SCIN: variants seen among roughly 807,000 people sequenced by gnomAD.
SCIN encodes scinderin.
SCIN carries 91 observed loss-of-function variants against 91.8 expected under a neutral mutation model. That is an observed-to-expected ratio of 0.99 (90% CI 0.84 to 1.18). The LOEUF (loss-of-function observed/expected upper bound fraction) is 1.18, where lower values mean the gene tolerates loss of function less well. Among genes scored for constraint, SCIN ranks in the 50% most tolerant of loss-of-function variants. The pLI is 0.00. For synonymous variants in SCIN, 367 were observed against 312.6 expected, an observed-to-expected ratio of 1.17 and a Z score of -1.84; for missense variants, 1,087 against 863.9, an observed-to-expected ratio of 1.26 and a Z score of -3.24.
chr7:12,623,506 C>T (rs2115271722), intron 5 of SCIN, among the ~76,000 whole-genome samples: 2 of 152,276 alleles, frequency 1.3e-5, no homozygotes, highest in South Asian at 4.1e-4. Flanking sequence ...TTCCTTCCAA[C>T]TCTATAGTTT....
Position 12,581,271 on chromosome 7 carries a change from C to G in SCIN, c.516+50C>G. 2.6e-6 allele frequency: 4 copies of G among 1,510,034 alleles called. No individual in the cohort carries two copies. The South Asian group carries it at 4.9e-5, about 18-fold the overall frequency. The allele number at this position is 1,510,034 out of a possible 1,614,324, so 93.5% of individuals were successfully genotyped here. On this transcript the variant is annotated intron_variant, in intron 3 of 15. Transcript: ENST00000297029. ...TGTCTAAAGAAAAGTGAATTGCTTT[C>G]GGATCAAATCATATGTACATGTCAT...
rs1392932810 is a variant in SCIN, at chr7:12,574,195, CT to C, written c.199+3211del. On this transcript the variant is annotated intron_variant, in intron 1 of 15. Coordinates refer to ENST00000297029, the MANE Select transcript of SCIN (RefSeq NM_001112706.3). Reference sequence around the variant, plus strand: ...TAAACAAGTTGTACATCTGTACCAACTAATACTACTCAGCAATAAAAAGGAA... The same window carrying C: ...TAAACAAGTTGTACATCTGTACCAACAATACTACTCAGCAATAAAAAGGAA... Among the ~76,000 whole-genome samples the C allele has an allele frequency of 2.5e-4, 38 of 152,230 alleles. No homozygotes were observed. The South Asian group carries it at 5.6e-3, about 22-fold the overall frequency.
chr7:12,618,474 C>T (rs1783341306), intron 4 of SCIN, among the ~76,000 whole-genome samples: 2 of 152,044 alleles, frequency 1.3e-5, no homozygotes, highest in Admixed American at 6.6e-5. Flanking sequence ...ATGAAATCAC[C>T]CTCTATTTTA....
At chr7:12,607,878 G>A (rs1783110687) in intron 4 of SCIN, among the ~76,000 whole-genome samples, 1 of 152,134 alleles carries the variant, frequency 6.6e-6, no homozygotes, top group Admixed American at 6.5e-5. Flanking sequence ...GATAAGGATA[G>A]AATACAAAAA....
In SCIN at chr7:12,640,308, C is replaced by G. The variant is rs1783831053; in HGVS notation, c.1411-39C>G. 4 of 1,492,632 alleles carry G rather than the reference C, an allele frequency of 2.7e-6. No individual in the cohort carries two copies. In the African/African-American group the frequency reaches 5.7e-5, roughly 21 times the overall value. The allele number at this position is 1,492,632 out of a possible 1,614,324, so 92.5% of individuals were successfully genotyped here. On this transcript the variant is annotated intron_variant, in intron 10 of 15. Transcript: ENST00000297029. ...AACTAAAACCTTCTTTCACAGCACT[C>G]TTAATTATATTTCTTTTATTCCCCC...
intron 3 of SCIN, among the ~76,000 whole-genome samples, chr7:12,591,084 C>T (rs899091203): frequency 5.3e-5 from 8 of 151,960 alleles, no homozygotes; most frequent in East Asian, 1.9e-4. Context: ...AGTTGATCAT[C>T]GGGGTTGGTG....
At chr7:12,635,818 C>A (rs1783739571) in intron 9 of SCIN, among the ~76,000 whole-genome samples, 1 of 151,896 alleles carries the variant, frequency 6.6e-6, no homozygotes, top group African/African-American at 2.4e-5. Context: ...AGCTCAATTT[C>A]TTTAACATGG....
At chr7:12,583,900 T>C (rs933066209) in intron 3 of SCIN, among the ~76,000 whole-genome samples, 6 of 152,184 alleles carry the variant, frequency 3.9e-5, no homozygotes, top group Non-Finnish European at 7.3e-5. Flanking sequence ...AAGTTCTCTT[T>C]TCCCATGCCT....
At chr7:12,625,926 A>G in intron 7 of SCIN, 76 bp downstream of exon 7, 1 of 1,080,242 alleles carries the variant, frequency 9.3e-7, no homozygotes, top group Non-Finnish European at 1.4e-6. Context: ...AACTCATGAA[A>G]AAGTTTGGGT....
chr7:12,639,376 G>C (rs1288936830), intron 10 of SCIN, among the ~76,000 whole-genome samples: 2 of 152,178 alleles, frequency 1.3e-5, no homozygotes, highest in Non-Finnish European at 1.5e-5. Flanking sequence ...TATTTTCAAT[G>C]CCTTTCGGCC....
intron 3 of SCIN, among the ~76,000 whole-genome samples, chr7:12,590,221 C>G (rs1782689244): frequency 6.6e-6 from 1 of 152,128 alleles, no homozygotes; most frequent in Admixed American, 6.5e-5. Flanking sequence ...CTTCTACCCA[C>G]CTAGAGAAGG....
At chr7:12,621,605 T>C (rs1783408523) in intron 4 of SCIN, among the ~76,000 whole-genome samples, 1 of 151,710 alleles carries the variant, frequency 6.6e-6, no homozygotes, top group Non-Finnish European at 1.5e-5. Flanking sequence ...CAAAAGTGTT[T>C]TTTTAAAAAG....
At chr7:12,608,621 G>T (rs1033966165) in intron 4 of SCIN, among the ~76,000 whole-genome samples, 5 of 151,978 alleles carry the variant, frequency 3.3e-5, no homozygotes, top group African/African-American at 1.2e-4. Context: ...AGGATTACAG[G>T]CACCCACCAC....
At chr7:12,630,444 A>G (rs1783618226) in intron 9 of SCIN, among the ~76,000 whole-genome samples, 4 of 152,230 alleles carry the variant, frequency 2.6e-5, no homozygotes, top group African/African-American at 9.6e-5. Context: ...ACAATTTCTC[A>G]TAAATCCAAA....
At chr7:12,575,088 T>G (rs1782342212) in intron 1 of SCIN, among the ~76,000 whole-genome samples, 2 of 152,134 alleles carry the variant, frequency 1.3e-5, no homozygotes, top group African/African-American at 4.8e-5. Flanking sequence ...TTCAGTTTCT[T>G]TGGAGTGATT....
chr7:12,576,617 A>C lies in SCIN; in HGVS notation c.200-1447A>C, dbSNP rs116273614. Among the ~76,000 whole-genome samples the C allele has an allele frequency of 8.4e-3, 1,283 of 152,254 alleles. 18 individuals are homozygous for C. The highest frequency in any genetic ancestry group is 0.03 in the African/African-American group (1,242 of 41,546). ...CTTGTCACTATAAAATTGTACCGCT[A>C]ATGAGAGCCTGAGTACAAAAAAATA... is the stretch of plus-strand genomic sequence containing the variant. On this transcript the variant is annotated intron_variant, in intron 1 of 15. Transcript: ENST00000297029.
intron 1 of SCIN, among the ~76,000 whole-genome samples, chr7:12,576,842 T>C (rs1392578602): frequency 6.6e-6 from 1 of 152,166 alleles, no homozygotes; most frequent in Non-Finnish European, 1.5e-5. Flanking sequence ...AGATCATCCA[T>C]GTAAAACATT....
chr7:12,598,940 A>G (rs1332114166), intron 3 of SCIN, among the ~76,000 whole-genome samples: 2 of 152,112 alleles, frequency 1.3e-5, no homozygotes, highest in African/African-American at 2.4e-5. Flanking sequence ...AAAAAAAAAC[A>G]GTGTTTTAAT....
chr7:12,600,963 A>G (rs1281707434), intron 3 of SCIN, among the ~76,000 whole-genome samples: 2 of 152,198 alleles, frequency 1.3e-5, no homozygotes, highest in African/African-American at 2.4e-5. Flanking sequence ...CTCCACATGT[A>G]TGCCTCATAT....
Sources: allele counts gnomAD v4.1 joint callset (sites outside exome capture counted in the v4.1 genomes callset), GRCh38; gene constraint gnomAD v4.1.1; transcripts MANE v1.5; gene names NCBI Gene and HGNC (gene_info 2026-07-23, HGNC 2026-07-21).